NPY2R: variants seen among roughly 807,000 people sequenced by gnomAD.
The protein encoded by NPY2R is neuropeptide Y receptor Y2.
Under a neutral mutation model 22.3 loss-of-function variants are expected in NPY2R, and 17 were observed. The ratio of observed to expected loss-of-function variants is 0.76; its 90% confidence interval spans 0.52 to 1.14. The LOEUF (loss-of-function observed/expected upper bound fraction) is 1.14, where lower values mean the gene tolerates loss of function less well. Among genes scored for constraint, NPY2R ranks in the 50% most tolerant of loss-of-function variants. The pLI, the probability that NPY2R is intolerant of heterozygous loss-of-function variation, is 0.00. For missense variants in NPY2R, 424 were observed against 467.9 expected (o/e 0.91, Z 0.87); for synonymous variants, 209 against 183.4 (o/e 1.14, Z -1.13).
the NPY2R span, among the ~76,000 whole-genome samples, chr4:155,180,937 T>C: frequency 6.6e-6 from 1 of 152,014 alleles, no homozygotes; most frequent in Non-Finnish European, 1.5e-5. Context: ...GTGATTCAAG[T>C]AAAATAAATA....
At chr4:155,196,502 G>A in the NPY2R span, among the ~76,000 whole-genome samples, 8 of 151,944 alleles carry the variant, frequency 5.3e-5, no homozygotes, top group Admixed American at 2.6e-4. Flanking sequence ...AAGGCAGTAT[G>A]GAATGGCAGG....
the NPY2R span, among the ~76,000 whole-genome samples, chr4:155,190,153 T>G: frequency 6.6e-6 from 1 of 152,044 alleles, no homozygotes; most frequent in South Asian, 2.1e-4. Context: ...GGGCAACATT[T>G]GAATTCAAGT....
chr4:155,181,371 T>A, the NPY2R span, among the ~76,000 whole-genome samples: 13 of 152,282 alleles, frequency 8.5e-5, no homozygotes, highest in Admixed American at 7.2e-4. Context: ...GTGTGAAATA[T>A]TCAAAGAGTT....
upstream of NPY2R, among the ~76,000 whole-genome samples, chr4:155,203,788 T>C (rs1347864112): frequency 6.6e-6 from 1 of 152,212 alleles, no homozygotes; most frequent in East Asian, 1.9e-4. Context: ...AGCATTTAAA[T>C]AAAGCAAGAC....
At chr4:155,210,285 T>C (rs1157829873) in intron 1 of NPY2R, among the ~76,000 whole-genome samples, 9 of 151,850 alleles carry the variant, frequency 5.9e-5, no homozygotes, top group Admixed American at 5.2e-4. Context: ...CAGCTAACAC[T>C]GTCTATATTC....
chr4:155,191,010 A>G, the NPY2R span, among the ~76,000 whole-genome samples: 42 of 152,100 alleles, frequency 2.8e-4, no homozygotes, highest in African/African-American at 9.6e-4. Flanking sequence ...TAATTATCAC[A>G]GAATTTTATT....
rs1436975027 is a variant in NPY2R at position 155,214,914 on chromosome 4, T to C, written c.975T>C (p.Tyr325=). The change falls in exon 2 of 2, where the codon TAT becomes TAC. Residue 325 remains tyrosine (Y), a synonymous_variant. Coordinates refer to ENST00000329476, the MANE Select transcript of NPY2R (RefSeq NM_000910.4). ...CCACTTTTGCCAATCCCCTTCTCTA[T>C]GGCTGGATGAACAGCAACTACAGAA... ...MCSTFANPLL[Y]GWMNSNYRKA... is the part of the protein sequence containing the mutation. 11 of 1,613,748 alleles carry C rather than the reference T, an allele frequency of 6.8e-6. No homozygotes were observed. Among genetic ancestry groups the C allele is most frequent in the Non-Finnish European group, 9.3e-6 (11 of 1,179,804 alleles).
At chr4:155,194,348 G>A in the NPY2R span, among the ~76,000 whole-genome samples, 1 of 150,104 alleles carries the variant, frequency 6.7e-6, no homozygotes, top group African/African-American at 2.4e-5. Flanking sequence ...TCGTCACCCA[G>A]GCAGTGAGCA....
the NPY2R span, among the ~76,000 whole-genome samples, chr4:155,192,324 G>A: frequency 6.6e-6 from 1 of 151,704 alleles, no homozygotes; most frequent in Non-Finnish European, 1.5e-5. Context: ...CAAGAGGCTG[G>A]CAAATAGAAA....
At chr4:155,186,310 T>A in the NPY2R span, among the ~76,000 whole-genome samples, 1 of 152,152 alleles carries the variant, frequency 6.6e-6, no homozygotes, top group African/African-American at 2.4e-5. Context: ...TAAATCATAT[T>A]TTAGGTTATT....
At chr4:155,191,313 C>T in the NPY2R span, among the ~76,000 whole-genome samples, 1 of 151,908 alleles carries the variant, frequency 6.6e-6, no homozygotes. Context: ...TAAAATCTCA[C>T]ATTCTTTGTC....
At chr4:155,184,465 C>A in the NPY2R span, among the ~76,000 whole-genome samples, 1 of 152,122 alleles carries the variant, frequency 6.6e-6, no homozygotes, top group African/African-American at 2.4e-5. Context: ...TGTATTTATT[C>A]CAAGGCTAAA....
intron 1 of NPY2R, among the ~76,000 whole-genome samples, chr4:155,211,959 G>A (rs954645962): frequency 3.9e-5 from 6 of 152,194 alleles, no homozygotes; most frequent in Non-Finnish European, 8.8e-5. Context: ...CTGCCTGCCA[G>A]TGCCTCCCAC....
At chr4:155,205,901 T>C (rs1560761589), upstream of NPY2R, among the ~76,000 whole-genome samples, 1 of 152,150 alleles carries the variant, frequency 6.6e-6, no homozygotes, top group Non-Finnish European at 1.5e-5. Flanking sequence ...TTTTGGATTT[T>C]TAAAAATTAA....
chr4:155,178,664 CTT>C, the NPY2R span, among the ~76,000 whole-genome samples: 1 of 152,124 alleles, frequency 6.6e-6, no homozygotes, highest in Admixed American at 6.6e-5. Flanking sequence ...TATTTTGAAA[CTT>C]ATTTGAAGCA....
At chr4:155,182,295 A>G in the NPY2R span, among the ~76,000 whole-genome samples, 4 of 152,260 alleles carry the variant, frequency 2.6e-5, no homozygotes, top group East Asian at 7.7e-4. Flanking sequence ...AGCTGTATAT[A>G]TATTTATCCT....
chr4:155,179,774 G>C, the NPY2R span, among the ~76,000 whole-genome samples: 9 of 152,038 alleles, frequency 5.9e-5, no homozygotes, highest in African/African-American at 1.9e-4. Flanking sequence ...CCTCTTTTTT[G>C]ATATTCTATC....
intron 1 of NPY2R, among the ~76,000 whole-genome samples, chr4:155,211,443 A>T (rs1286156442): frequency 6.6e-6 from 1 of 152,156 alleles, no homozygotes; most frequent in African/African-American, 2.4e-5. Context: ...ACAGAAGTGG[A>T]CAGTATATAT....
the NPY2R span, among the ~76,000 whole-genome samples, chr4:155,185,199 G>T: frequency 3.3e-5 from 5 of 151,654 alleles, no homozygotes; most frequent in African/African-American, 1.2e-4. Context: ...GCCACCACGC[G>T]TGGCTAAGTT....
Sources: allele counts gnomAD v4.1 joint callset (sites outside exome capture counted in the v4.1 genomes callset), GRCh38; gene constraint gnomAD v4.1.1; transcripts MANE v1.5; gene names NCBI Gene and HGNC (gene_info 2026-07-23, HGNC 2026-07-21).